Variants in NEK11 observed in about 807,000 individuals in gnomAD.
NEK11 encodes the protein NIMA related kinase 11, also known as serine/threonine-protein kinase Nek11.
A neutral mutation model predicts 80.7 loss-of-function variants in NEK11; 72 were observed. The observed-to-expected ratio is 0.89, with a 90% CI of 0.74 to 1.08. The LOEUF (loss-of-function observed/expected upper bound fraction) is 1.08. Among genes scored for constraint, NEK11 ranks in the 50% least tolerant of loss-of-function variants. NEK11 has a pLI of 0.00. For synonymous variants in NEK11, 251 were observed against 260.7 expected (o/e 0.96, Z 0.36); for missense variants, 764 against 763.6 (o/e 1.00, Z -0.01).
intron 14 of NEK11, among the ~76,000 whole-genome samples, chr3:131,225,362 A>G (rs962954230): frequency 6.6e-6 from 1 of 152,306 alleles, no homozygotes; most frequent in East Asian, 1.9e-4. Flanking sequence ...AGTACACTCT[A>G]TGATGTTCAC....
chr3:131,316,420 C>G (rs17334851), intron 17 of NEK11, among the ~76,000 whole-genome samples: 1 of 152,066 alleles, frequency 6.6e-6, no homozygotes, highest in South Asian at 2.1e-4. Flanking sequence ...ACCTATTTCT[C>G]GAATGCAAGT....
intron 16 of NEK11, among the ~76,000 whole-genome samples, chr3:131,272,882 A>T (rs2096224721): frequency 6.6e-6 from 1 of 152,188 alleles, no homozygotes; most frequent in Non-Finnish European, 1.5e-5. Context: ...TTCATTAAAA[A>T]CTGTAGCTCT....
At chr3:131,307,426 G>T (rs1226101402) in intron 17 of NEK11, among the ~76,000 whole-genome samples, 1 of 152,204 alleles carries the variant, frequency 6.6e-6, no homozygotes, top group South Asian at 2.1e-4. Flanking sequence ...TGAAAATCAA[G>T]TTGCCAGTTG....
intron 14 of NEK11, among the ~76,000 whole-genome samples, chr3:131,202,920 C>T (rs1024530730): frequency 1.3e-5 from 2 of 152,150 alleles, no homozygotes; most frequent in Non-Finnish European, 2.9e-5. Flanking sequence ...ATTAAAAAGT[C>T]AGGAAACAAC....
At chr3:131,331,370 T>TTAC (rs2097078734) in intron 17 of NEK11, among the ~76,000 whole-genome samples, 1 of 152,230 alleles carries the variant, frequency 6.6e-6, no homozygotes, top group Admixed American at 6.5e-5. Flanking sequence ...ATTTGGGGGC[T>TTAC]TGAGTAATGA....
intron 16 of NEK11, among the ~76,000 whole-genome samples, chr3:131,254,056 G>A (rs2095758757): frequency 6.6e-6 from 1 of 152,152 alleles, no homozygotes; most frequent in Non-Finnish European, 1.5e-5. Flanking sequence ...TTCTCCGTAA[G>A]TTGTCACTAA....
chr3:131,254,022 G>A (rs1267942178), intron 16 of NEK11, among the ~76,000 whole-genome samples: 1 of 152,112 alleles, frequency 6.6e-6, no homozygotes, highest in African/African-American at 2.4e-5. Flanking sequence ...GAGCTGTCTG[G>A]CAAGGTAGCA....
At chr3:131,058,005 G>A (rs1302062234) in intron 3 of NEK11, among the ~76,000 whole-genome samples, 1 of 151,940 alleles carries the variant, frequency 6.6e-6, no homozygotes, top group Non-Finnish European at 1.5e-5. Flanking sequence ...TTTCTTCTAG[G>A]GTTTTTATGG....
At chr3:131,219,417 C>A (rs113270238) in intron 14 of NEK11, among the ~76,000 whole-genome samples, 1 of 151,838 alleles carries the variant, frequency 6.6e-6, no homozygotes, top group Admixed American at 6.6e-5. Context: ...AGGGGAGGGA[C>A]AGCATTAGGA....
At chr3:131,279,187 T>TA (rs1467379367) in intron 17 of NEK11, among the ~76,000 whole-genome samples, 2 of 151,698 alleles carry the variant, frequency 1.3e-5, no homozygotes, top group East Asian at 3.9e-4. Context: ...CCTAAATTAC[T>TA]AAAAATACAA....
chr3:131,227,991 G>T (rs1265372531), intron 14 of NEK11, among the ~76,000 whole-genome samples: 1 of 152,076 alleles, frequency 6.6e-6, no homozygotes, highest in African/African-American at 2.4e-5. Flanking sequence ...ATCATTACCT[G>T]TTAGAAAAGA....
intron 5 of NEK11, among the ~76,000 whole-genome samples, chr3:131,117,628 C>T (rs552574177): frequency 8.6e-5 from 13 of 152,030 alleles, no homozygotes; most frequent in Non-Finnish European, 1.0e-4. Flanking sequence ...TCTTCCATTT[C>T]TTTGTGTCCT....
intron 15 of NEK11, among the ~76,000 whole-genome samples, chr3:131,241,202 G>C (rs976798227): frequency 6.6e-6 from 1 of 152,076 alleles, no homozygotes; most frequent in Non-Finnish European, 1.5e-5. Flanking sequence ...TAAGAGCAGA[G>C]AAAGAGGAGG....
chr3:131,137,155 G>A (rs971807179), intron 7 of NEK11, among the ~76,000 whole-genome samples: 2 of 152,052 alleles, frequency 1.3e-5, no homozygotes, highest in South Asian at 4.1e-4. Flanking sequence ...TTGGTTGGGT[G>A]GGGGACAGAG....
chr3:131,280,386 T>G (rs1184167835), intron 17 of NEK11, among the ~76,000 whole-genome samples: 4 of 152,224 alleles, frequency 2.6e-5, no homozygotes, highest in Non-Finnish European at 5.9e-5. Flanking sequence ...TTAAGGCTTT[T>G]TTTTCCCTCT....
intron 5 of NEK11, among the ~76,000 whole-genome samples, chr3:131,110,553 A>G (rs947075433): frequency 3.3e-5 from 5 of 152,170 alleles, no homozygotes; most frequent in African/African-American, 9.6e-5. Flanking sequence ...AAAAGTAAGA[A>G]GTTTTAGAAG....
chr3:131,163,369 A>G (rs762015391), intron 11 of NEK11, among the ~76,000 whole-genome samples: 10 of 152,220 alleles, frequency 6.6e-5, no homozygotes, highest in Non-Finnish European at 1.3e-4. Context: ...GGGATAAATA[A>G]AATGTGGTAT....
In NEK11 at chr3:131,165,503, G is replaced by GT. The variant is rs770232634; in HGVS notation, c.1161dup (p.Val388CysfsTer2). ...AGATCTCGGAACTTTCAGCAGCTGA[G>GT]TGTTGATGTACTCCATGTAAGTACC... On this transcript the variant is annotated frameshift_variant, in exon 12 of 18. Transcript: ENST00000383366. LOFTEE classifies it high-confidence loss of function. 1.2e-5 allele frequency: 19 copies of GT among 1,609,646 alleles called. No homozygotes were observed. In the African/African-American group the frequency reaches 2.5e-4, roughly 21 times the overall value.
chr3:131,215,289 G>A (rs370994981), intron 14 of NEK11, among the ~76,000 whole-genome samples: 22,157 of 132,146 alleles, frequency 0.17, 2,348 homozygotes, highest in African/African-American at 0.3. Flanking sequence ...GGGGGGAGGG[G>A]GAAGGGATAG....
Sources: gnomAD v4.1 joint callset for allele counts (sites outside exome capture counted in the v4.1 genomes callset) on GRCh38, gnomAD v4.1.1 for gene constraint, MANE v1.5 for transcripts, NCBI Gene and HGNC (gene_info 2026-07-23, HGNC 2026-07-21) for gene names.